RAB3C: variants seen among roughly 807,000 people sequenced by gnomAD.
RAB3C encodes the protein RAB3C, member RAS oncogene family.
In RAB3C, 17 loss-of-function variants were observed where a neutral mutation model predicts 26.4. That is an observed-to-expected ratio of 0.64 (90% CI 0.44 to 0.97). The LOEUF (loss-of-function observed/expected upper bound fraction) is 0.97. Ranked by LOEUF, RAB3C falls within the 50% of genes least tolerant of loss-of-function variation. The pLI is 0.00. For missense variants in RAB3C, 242 were observed against 281.9 expected (o/e 0.86, Z 1.01); for synonymous variants, 91 against 95.9 (o/e 0.95, Z 0.30).
At chr5:58,643,476 T>C (rs928492768) in intron 2 of RAB3C, among the ~76,000 whole-genome samples, 1 of 152,316 alleles carries the variant, frequency 6.6e-6, no homozygotes, top group Non-Finnish European at 1.5e-5. Context: ...TTTCTTTCTA[T>C]ATAGCTTAGA....
chr5:58,842,551 T>C (rs1255413226), intron 4 of RAB3C, among the ~76,000 whole-genome samples: 1 of 152,186 alleles, frequency 6.6e-6, no homozygotes, highest in Non-Finnish European at 1.5e-5. Flanking sequence ...ATTGTCTCTA[T>C]TTTACCCTTA....
At chr5:58,773,833 C>T (rs2111991267) in intron 3 of RAB3C, among the ~76,000 whole-genome samples, 1 of 152,150 alleles carries the variant, frequency 6.6e-6, no homozygotes, top group East Asian at 1.9e-4. Context: ...TTTATTCCAA[C>T]CATCTGCTTT....
At chr5:58,809,962 G>A (rs991010264) in intron 3 of RAB3C, among the ~76,000 whole-genome samples, 10 of 152,174 alleles carry the variant, frequency 6.6e-5, no homozygotes, top group Admixed American at 2.0e-4. Context: ...CTGTTCTTCC[G>A]TTTCACATTG....
chr5:58,655,534 T>C (rs892370193), intron 2 of RAB3C, among the ~76,000 whole-genome samples: 1 of 152,166 alleles, frequency 6.6e-6, no homozygotes, highest in Non-Finnish European at 1.5e-5. Flanking sequence ...AACTAAGAAC[T>C]AGGTCATTAT....
chr5:58,842,828 A>G (rs1170150168), intron 4 of RAB3C, among the ~76,000 whole-genome samples: 1 of 152,200 alleles, frequency 6.6e-6, no homozygotes, highest in Non-Finnish European at 1.5e-5. Flanking sequence ...GTTACTATTG[A>G]AAGGAGGTAG....
At chr5:58,608,137 C>A in intron 1 of RAB3C, among the ~76,000 whole-genome samples, 1 of 152,142 alleles carries the variant, frequency 6.6e-6, no homozygotes, top group East Asian at 1.9e-4. Flanking sequence ...CACAGACTGG[C>A]AAATTGGATA....
intron 3 of RAB3C, among the ~76,000 whole-genome samples, chr5:58,735,924 C>A (rs940043650): frequency 2.0e-5 from 3 of 152,120 alleles, no homozygotes; most frequent in Admixed American, 6.5e-5. Context: ...ATAGAGCTTT[C>A]CCAATCTCCA....
intron 3 of RAB3C, among the ~76,000 whole-genome samples, chr5:58,728,766 A>G (rs1740941468): frequency 6.6e-6 from 1 of 151,964 alleles, no homozygotes; most frequent in Admixed American, 6.6e-5. Context: ...TCTGGTTAAG[A>G]CCATTGATTT....
intron 3 of RAB3C, among the ~76,000 whole-genome samples, chr5:58,753,932 A>AT (rs1204205029): frequency 6.6e-6 from 1 of 152,106 alleles, no homozygotes; most frequent in African/African-American, 2.4e-5. Context: ...TAAAGGTTTA[A>AT]TTTTCTGTGT....
intron 1 of RAB3C, among the ~76,000 whole-genome samples, chr5:58,591,760 G>T (rs995993283): frequency 1.3e-5 from 2 of 150,264 alleles, no homozygotes; most frequent in Non-Finnish European, 3.0e-5. Context: ...CAGTATGATT[G>T]AATTTAAGTC....
At chr5:58,620,307 A>G (rs1443853789) in intron 2 of RAB3C, among the ~76,000 whole-genome samples, 1 of 152,192 alleles carries the variant, frequency 6.6e-6, no homozygotes, top group Non-Finnish European at 1.5e-5. Flanking sequence ...GGAGCTCTTA[A>G]GGCACATCTG....
At chr5:58,776,812 G>A (rs1579912859) in intron 3 of RAB3C, among the ~76,000 whole-genome samples, 1 of 152,222 alleles carries the variant, frequency 6.6e-6, no homozygotes, top group African/African-American at 2.4e-5. Context: ...CTTCCATCCT[G>A]TGATGTGGCC....
At chr5:58,817,097 C>T (rs567143359) in intron 3 of RAB3C, 2 of 152,310 alleles carry the variant, frequency 1.3e-5, no homozygotes, top group South Asian at 4.1e-4. Flanking sequence ...TCCTTATATT[C>T]CATTGGCCAG....
intron 2 of RAB3C, among the ~76,000 whole-genome samples, chr5:58,661,767 T>C (rs1388245440): frequency 6.7e-6 from 1 of 148,878 alleles, no homozygotes; most frequent in African/African-American, 2.6e-5. Context: ...ATTGGCCCTG[T>C]CTTACCTCCC....
intron 3 of RAB3C, among the ~76,000 whole-genome samples, chr5:58,793,265 T>G (rs1350918385): frequency 6.6e-6 from 1 of 152,150 alleles, no homozygotes; most frequent in African/African-American, 2.4e-5. Context: ...GTTTCCTACT[T>G]TAAGAATTCC....
intron 3 of RAB3C, among the ~76,000 whole-genome samples, chr5:58,751,623 A>G (rs1158232936): frequency 1.3e-5 from 2 of 152,234 alleles, no homozygotes; most frequent in Non-Finnish European, 2.9e-5. Context: ...CTATTGTCAT[A>G]TGGCTAAAGT....
chr5:58,745,214 G>A (rs1424590938), intron 3 of RAB3C, among the ~76,000 whole-genome samples: 3 of 151,670 alleles, frequency 2.0e-5, no homozygotes, highest in South Asian at 2.1e-4. Flanking sequence ...TGGCTAACAC[G>A]GTGAAACCCC....
At chr5:58,668,518 T>C (rs1268201363) in intron 2 of RAB3C, among the ~76,000 whole-genome samples, 1 of 152,114 alleles carries the variant, frequency 6.6e-6, no homozygotes, top group African/African-American at 2.4e-5. Flanking sequence ...TTTTCATGAG[T>C]CCCACAGCCT....
At chr5:58,651,933 G>A (rs1374540137) in intron 2 of RAB3C, among the ~76,000 whole-genome samples, 1 of 136,606 alleles carries the variant, frequency 7.3e-6, no homozygotes, top group Non-Finnish European at 1.5e-5. Context: ...TAAATGCTAT[G>A]TAAATAATTA....
Sources: allele counts gnomAD v4.1 joint callset (sites outside exome capture counted in the v4.1 genomes callset), GRCh38; gene constraint gnomAD v4.1.1; transcripts MANE v1.5; gene names NCBI Gene and HGNC (gene_info 2026-07-23, HGNC 2026-07-21).